SPIRE1: variants seen among roughly 807,000 people sequenced by gnomAD.
SPIRE1 encodes spire type actin nucleation factor 1.
Under a neutral mutation model 94.1 loss-of-function variants are expected in SPIRE1, and 40 were observed. The observed-to-expected ratio is 0.43, with a 90% CI of 0.33 to 0.55. The LOEUF is 0.55. SPIRE1 is among the 20% of genes least tolerant of loss of function. SPIRE1 has a pLI of 0.06. For synonymous variants in SPIRE1, 376 were observed against 371.7 expected (o/e 1.01, Z -0.13); for missense variants, 838 against 975.2 (o/e 0.86, Z 1.87).
At position 12,588,180 on chromosome 18, in the gene SPIRE1, T is replaced by G. The variant is rs1339264835; in HGVS notation, c.373-41276A>C. Among the ~76,000 whole-genome samples the G allele has an allele frequency of 2.0e-5, 3 of 152,356 alleles. No homozygotes were observed. In the East Asian group the frequency reaches 5.8e-4, roughly 29 times the overall value. On this transcript the variant is annotated intron_variant, in intron 2 of 16. Coordinates refer to ENST00000409402, the MANE Select transcript of SPIRE1 (RefSeq NM_001128626.2). ...TTTTTATTGTCAAATAATATTCTGT[T>G]GTATGGATATATCACATTTTATTCA... is the stretch of plus-strand genomic sequence containing the variant.
chr18:12,553,879 C>CA (rs1261757122), intron 2 of SPIRE1, among the ~76,000 whole-genome samples: 4 of 151,900 alleles, frequency 2.6e-5, no homozygotes, highest in Admixed American at 6.6e-5. Context: ...CAACACAATA[C>CA]AAAAAATCAA....
chr18:12,525,908 T>C (rs2034506591), intron 4 of SPIRE1, among the ~76,000 whole-genome samples: 1 of 152,080 alleles, frequency 6.6e-6, no homozygotes, highest in African/African-American at 2.4e-5. Flanking sequence ...CCTTGCTCAT[T>C]AGGGGTGTTA....
intron 2 of SPIRE1, among the ~76,000 whole-genome samples, chr18:12,608,303 C>T (rs959751650): frequency 2.6e-5 from 4 of 152,092 alleles, no homozygotes; most frequent in African/African-American, 4.8e-5. Context: ...ATATTCTTTG[C>T]ACTTTTAATA....
At chr18:12,589,449 C>T (rs2036472237) in intron 2 of SPIRE1, among the ~76,000 whole-genome samples, 1 of 152,194 alleles carries the variant, frequency 6.6e-6, no homozygotes, top group Non-Finnish European at 1.5e-5. Context: ...GTGGAGAAAG[C>T]AGGCATACTC....
chr18:12,536,498 T>C (rs2034844365), intron 3 of SPIRE1, among the ~76,000 whole-genome samples: 1 of 151,030 alleles, frequency 6.6e-6, no homozygotes, highest in Non-Finnish European at 1.5e-5. Flanking sequence ...ACATGTCGAA[T>C]TTTGTAACGT....
intron 2 of SPIRE1, among the ~76,000 whole-genome samples, chr18:12,592,384 T>C (rs1279347181): frequency 6.6e-6 from 1 of 152,266 alleles, no homozygotes; most frequent in Non-Finnish European, 1.5e-5. Context: ...TTTTCATTTC[T>C]TCTTTGAAGA....
chr18:12,486,645 C>T (rs1344673902), intron 8 of SPIRE1, among the ~76,000 whole-genome samples: 3 of 152,120 alleles, frequency 2.0e-5, no homozygotes, highest in Non-Finnish European at 2.9e-5. Context: ...TTAGTTACTT[C>T]ATCTGTAAAA....
At chr18:12,549,316 T>C (rs1325610452) in intron 2 of SPIRE1, among the ~76,000 whole-genome samples, 1 of 152,170 alleles carries the variant, frequency 6.6e-6, no homozygotes, top group African/African-American at 2.4e-5. Flanking sequence ...GAAGGTCTTG[T>C]TGCAATTATT....
Position 12,560,901 on chromosome 18 carries a change from G to A in SPIRE1, c.373-13997C>T, listed in dbSNP as rs553373702. Among the ~76,000 whole-genome samples the A allele has an allele frequency of 2.0e-5, 3 of 152,190 alleles. No homozygotes were observed. In the East Asian group the frequency reaches 5.8e-4, roughly 29 times the overall value. On this transcript the variant is annotated intron_variant, in intron 2 of 16. Transcript: ENST00000409402. ...AAACAACAACAAAAAGAACAAATAA[G>A]ACTAATATTTGCTAGCACAACAGGG...
At chr18:12,638,299 C>T (rs146450790) in intron 1 of SPIRE1, among the ~76,000 whole-genome samples, 15 of 152,178 alleles carry the variant, frequency 9.9e-5, no homozygotes, top group African/African-American at 3.6e-4. Context: ...AAAAAATTAG[C>T]CACGCATGTT....
chr18:12,583,107 G>C (rs181915980), intron 2 of SPIRE1, among the ~76,000 whole-genome samples: 1 of 152,132 alleles, frequency 6.6e-6, no homozygotes, highest in Non-Finnish European at 1.5e-5. Context: ...AAAAATATTG[G>C]ATGAAACATG....
intron 4 of SPIRE1, among the ~76,000 whole-genome samples, chr18:12,528,224 A>G (rs1217632197): frequency 6.6e-6 from 1 of 152,162 alleles, no homozygotes; most frequent in African/African-American, 2.4e-5. Flanking sequence ...GGGTCCCTAA[A>G]TCTATGACAG....
At chr18:12,631,791 G>A (rs953019776) in intron 2 of SPIRE1, among the ~76,000 whole-genome samples, 4 of 152,148 alleles carry the variant, frequency 2.6e-5, no homozygotes, top group African/African-American at 9.7e-5. Flanking sequence ...CTTGAACCCA[G>A]GAGGCAGAGG....
intron 10 of SPIRE1, 67 bp downstream of exon 10, chr18:12,479,632 T>C: frequency 7.1e-6 from 10 of 1,403,324 alleles, no homozygotes; most frequent in Non-Finnish European, 9.6e-6. Flanking sequence ...AGATAATCAG[T>C]AAACTGCATC....
intron 4 of SPIRE1, among the ~76,000 whole-genome samples, chr18:12,523,615 C>A (rs1041918285): frequency 1.3e-5 from 2 of 152,236 alleles, no homozygotes; most frequent in Admixed American, 6.5e-5. Flanking sequence ...GACACTTCAC[C>A]AGCAAAAAGA....
At chr18:12,516,915 G>A (rs2034212585) in intron 4 of SPIRE1, among the ~76,000 whole-genome samples, 1 of 152,076 alleles carries the variant, frequency 6.6e-6, no homozygotes. Context: ...CTCACTCATT[G>A]CCACTAAGAA....
chr18:12,581,720 C>T (rs12956885), intron 2 of SPIRE1, among the ~76,000 whole-genome samples: 85,092 of 151,888 alleles, frequency 0.56, 25,008 homozygotes, highest in Middle Eastern at 0.76. Context: ...AAAAATTAGC[C>T]GGGCATGGTG....
intron 2 of SPIRE1, among the ~76,000 whole-genome samples, chr18:12,624,386 T>G (rs1026604688): frequency 1.3e-5 from 2 of 151,138 alleles, no homozygotes; most frequent in Admixed American, 6.6e-5. Context: ...CTACTGAAAT[T>G]ACAAAAATTA....
At chr18:12,617,392 TTTTG>T (rs574986972) in intron 2 of SPIRE1, among the ~76,000 whole-genome samples, 257 of 152,008 alleles carry the variant, frequency 1.7e-3, no homozygotes, top group African/African-American at 6.0e-3. Flanking sequence ...TCTTTTTGTT[TTTTG>T]TTTTAGTTGT....
Sources: allele counts gnomAD v4.1 joint callset (sites outside exome capture counted in the v4.1 genomes callset), GRCh38; gene constraint gnomAD v4.1.1; transcripts MANE v1.5; gene names NCBI Gene and HGNC (gene_info 2026-07-23, HGNC 2026-07-21).